Variants in ZFPM1 observed in about 807,000 individuals in gnomAD.
ZFPM1 encodes zinc finger protein, FOG family member 1, also known as zinc finger protein ZFPM1.
ZFPM1 carries 28 observed loss-of-function variants against 46.3 expected under a neutral mutation model. That is an observed-to-expected ratio of 0.60 (90% CI 0.45 to 0.83). ZFPM1 has a LOEUF of 0.83. ZFPM1 is among the 40% of genes least tolerant of loss of function. ZFPM1 has a pLI of 0.00. For missense variants in ZFPM1, 1,878 were observed against 1,432.4 expected (o/e 1.31, Z -5.02); for synonymous variants, 957 against 675.9 (o/e 1.42, Z -6.45).
intron 3 of ZFPM1, among the ~76,000 whole-genome samples, chr16:88,493,631 C>A (rs1194480360): frequency 1.9e-5 from 2 of 105,098 alleles, no homozygotes; most frequent in Non-Finnish European, 4.6e-5. Flanking sequence ...AGAGAGCTGT[C>A]CCGGGGTGCG....
intron 1 of ZFPM1, among the ~76,000 whole-genome samples, chr16:88,483,413 C>A (rs1329176939): frequency 3.9e-5 from 6 of 152,216 alleles, no homozygotes; most frequent in Admixed American, 1.3e-4. Context: ...TGGCCCCCGA[C>A]CTCCCCTTCC....
intron 4 of ZFPM1, among the ~76,000 whole-genome samples, chr16:88,525,211 T>C (rs1912219930): frequency 6.6e-6 from 1 of 152,206 alleles, no homozygotes; most frequent in South Asian, 2.1e-4. Context: ...AGGCCGAGCC[T>C]GGCTGGGACC....
At chr16:88,462,606 G>T (rs1295164584) in intron 1 of ZFPM1, among the ~76,000 whole-genome samples, 1 of 152,204 alleles carries the variant, frequency 6.6e-6, no homozygotes, top group African/African-American at 2.4e-5. Context: ...GAAGGAGAGG[G>T]CAGCCACCGC....
rs1004705909 is a variant in ZFPM1, at chr16:88,488,719, G to T, written c.146-312G>T. Among the ~76,000 whole-genome samples, 3 of 152,214 alleles carry T rather than the reference G, an allele frequency of 2.0e-5. No individual in the cohort carries two copies. In the South Asian group the frequency reaches 6.2e-4, roughly 31 times the overall value. On this transcript the variant is annotated intron_variant, in intron 2 of 9. Transcript: ENST00000319555. ...CCAGCTGCCAGCAGAGGGGACCAGG[G>T]AGCTGGCGACGGCGCATGTGCCTGC... is the stretch of plus-strand genomic sequence containing the variant.
chr16:88,520,168 ATGGGTAGATGGG>A (rs1911719184), intron 4 of ZFPM1, among the ~76,000 whole-genome samples: 2 of 112,784 alleles, frequency 1.8e-5, no homozygotes, highest in African/African-American at 6.8e-5. Context: ...GGGTGGATGC[ATGGGTAGATGGG>A]TGGGTGGATG....
intron 4 of ZFPM1, 118 bp from the exon 5 acceptor site, chr16:88,526,696 G>A: frequency 9.0e-7 from 1 of 1,109,432 alleles, no homozygotes; most frequent in Non-Finnish European, 1.3e-6. Context: ...TCCACAGCTT[G>A]GCCTACCAGC....
chr16:88,527,207 T>TA (rs1242074733), intron 5 of ZFPM1, among the ~76,000 whole-genome samples: 2 of 152,104 alleles, frequency 1.3e-5, no homozygotes, highest in African/African-American at 4.8e-5. Flanking sequence ...GTGATCCCCG[T>TA]ATCTCCTCCC....
chr16:88,526,551 A>G (rs1193860175), intron 4 of ZFPM1, among the ~76,000 whole-genome samples: 1 of 152,150 alleles, frequency 6.6e-6, no homozygotes, highest in Non-Finnish European at 1.5e-5. Flanking sequence ...AGTCTCCACA[A>G]GAACCCTGCG....
At chr16:88,467,913 C>T (rs1908212523) in intron 1 of ZFPM1, among the ~76,000 whole-genome samples, 1 of 152,142 alleles carries the variant, frequency 6.6e-6, no homozygotes, top group South Asian at 2.1e-4. Flanking sequence ...TCTGCTTGCT[C>T]GAGCTGAGCG....
chr16:88,498,190 G>A (rs1471068458), intron 3 of ZFPM1, among the ~76,000 whole-genome samples: 3 of 152,126 alleles, frequency 2.0e-5, no homozygotes, highest in Non-Finnish European at 4.4e-5. Context: ...ACCCACCTGG[G>A]GGGTCCCCAG....
In ZFPM1 at chr16:88,528,084, G is replaced by C; in HGVS notation, c.558G>C (p.Leu186=). Reference sequence around the variant, plus strand: ...AGCCGGTGCCTGCGGGGGGACTCCTGAGCGTGCTCCTCACGGCCGAGCCCC... The same window carrying C: ...AGCCGGTGCCTGCGGGGGGACTCCTCAGCGTGCTCCTCACGGCCGAGCCCC... ...VTKPVPAGGL[L]SVLLTAEPHS... The change falls in exon 6 of 10, where the codon CTG becomes CTC. Residue 186 remains leucine (L), a synonymous_variant. Transcript: ENST00000319555. The C allele has an allele frequency of 6.4e-7, 1 of 1,571,066 alleles. No individual in the cohort carries two copies. Among genetic ancestry groups the C allele is most frequent in the Non-Finnish European group, 8.6e-7 (1 of 1,158,662 alleles).
At position 88,502,141 on chromosome 16, in the gene ZFPM1, A is replaced by G. The variant is rs531084360; in HGVS notation, c.269-12246A>G. Among the ~76,000 whole-genome samples, 179 of 134,996 alleles carry G rather than the reference A, an allele frequency of 1.3e-3. 1 individual carries two copies. Among genetic ancestry groups the G allele is most frequent in the Middle Eastern group, 4.5e-3 (1 of 224 alleles). The allele number at this position is 134,996 out of a possible 152,430, so 88.6% of individuals were successfully genotyped here. ...CCTCCTTCTCTGCGTGTAACTTTTT[A>G]TTTCCTCACTGCGCTTTTCCATTAC... is the stretch of plus-strand genomic sequence containing the variant. On this transcript the variant is annotated intron_variant, in intron 3 of 9. Transcript: ENST00000319555.
In ZFPM1 at chr16:88,471,664, G is replaced by A. The variant is rs969137000; in HGVS notation, c.41-14275G>A. ...AGGGCCCCAAGATGACCGTGGCCGC[G>A]GTGGCTCCCACACACAGTGGAGGGG... On this transcript the variant is annotated intron_variant, in intron 1 of 9. Coordinates refer to ENST00000319555, the MANE Select transcript of ZFPM1 (RefSeq NM_153813.3). The surrounding 1 kb of genome is among the most constrained non-coding windows in gnomAD (Gnocchi z 4.1). Among the ~76,000 whole-genome samples the A allele has an allele frequency of 3.3e-5, 5 of 152,174 alleles. No individual in the cohort carries two copies. Among genetic ancestry groups the A allele is most frequent in the East Asian group, 3.9e-4 (2 of 5,174 alleles).
intron 1 of ZFPM1, among the ~76,000 whole-genome samples, chr16:88,479,067 C>T (rs1173524672): frequency 1.3e-5 from 2 of 152,192 alleles, no homozygotes; most frequent in East Asian, 1.9e-4. Context: ...CCAGGCTCTG[C>T]GCCCACTCCC....
intron 4 of ZFPM1, among the ~76,000 whole-genome samples, chr16:88,519,463 G>A (rs960474329): frequency 1.3e-5 from 2 of 151,478 alleles, no homozygotes; most frequent in African/African-American, 4.9e-5. Context: ...TGGATAACCA[G>A]GTGGATGGAT....
In ZFPM1 at chr16:88,533,691, C is replaced by T. The variant is rs1407598118; in HGVS notation, c.1733C>T (p.Thr578Met). ...GLFPGAPKGA[T>M]CFECEITFSN... ...TTCCCCGGGGCCCCCAAGGGCGCTA[C>T]GTGCTTCGAGTGCGAGATCACCTTC... The change falls in exon 10 of 10, where the codon ACG becomes ATG. Residue 578 changes from threonine to methionine, a missense_variant. By Grantham distance (81) the Thr-to-Met change is moderately conservative (BLOSUM62 -1). Coordinates refer to ENST00000319555, the MANE Select transcript of ZFPM1 (RefSeq NM_153813.3). 1 of 1,492,894 alleles carries T rather than the reference C, an allele frequency of 6.7e-7. No homozygotes were observed. Among genetic ancestry groups the T allele is most frequent in the Non-Finnish European group, 9.0e-7 (1 of 1,113,556 alleles). The allele number at this position is 1,492,894 out of a possible 1,614,324, so 92.5% of individuals were successfully genotyped here.
chr16:88,474,092 G>A (rs1015579479), intron 1 of ZFPM1, among the ~76,000 whole-genome samples: 9 of 152,244 alleles, frequency 5.9e-5, no homozygotes, highest in Admixed American at 1.3e-4. Flanking sequence ...AGGCCGCACC[G>A]ATAGGATGTG....
chr16:88,456,254 C>CGAG (rs1230697138), intron 1 of ZFPM1, among the ~76,000 whole-genome samples: 2 of 152,228 alleles, frequency 1.3e-5, no homozygotes, highest in African/African-American at 4.8e-5. Context: ...CACCCCGCCC[C>CGAG]GAGTCCTCGT....
intron 1 of ZFPM1, among the ~76,000 whole-genome samples, chr16:88,477,268 A>AGAAGGGCACGGG (rs1908732243): frequency 6.6e-6 from 1 of 152,238 alleles, no homozygotes; most frequent in Non-Finnish European, 1.5e-5. Flanking sequence ...GGGTCAGCGG[A>AGAAGGGCACGGG]GAAGGGCACG....
Sources: allele counts gnomAD v4.1 joint callset (sites outside exome capture counted in the v4.1 genomes callset), GRCh38; gene constraint gnomAD v4.1.1; non-coding constraint Gnocchi (gnomAD v3.1); transcripts MANE v1.5; gene names NCBI Gene and HGNC (gene_info 2026-07-23, HGNC 2026-07-21).